FAM83B: variants seen among roughly 807,000 people sequenced by gnomAD.
The protein encoded by FAM83B is scaffolding CK1 anchoring protein B.
FAM83B carries 26 observed loss-of-function variants against 38.8 expected under a neutral mutation model. That is an observed-to-expected ratio of 0.67 (90% CI 0.49 to 0.93). The LOEUF is 0.93. FAM83B is among the 40% of genes least tolerant of loss of function. The pLI is 0.00. For synonymous variants in FAM83B, 419 were observed against 423.1 expected (o/e 0.99, Z 0.12); for missense variants, 1,237 against 1,197.3 (o/e 1.03, Z -0.49).
chr6:54,921,526 T>C (rs866121669), intron 2 of FAM83B, among the ~76,000 whole-genome samples: 12 of 151,974 alleles, frequency 7.9e-5, no homozygotes, highest in South Asian at 2.1e-4. Flanking sequence ...TTTCTAAGTC[T>C]CATGTTTCCG....
At chr6:54,857,426 G>A (rs926264478) in intron 1 of FAM83B, among the ~76,000 whole-genome samples, 2 of 152,320 alleles carry the variant, frequency 1.3e-5, no homozygotes, top group East Asian at 3.9e-4. Flanking sequence ...AACTGAGGTT[G>A]AACGAGACTG....
intron 2 of FAM83B, among the ~76,000 whole-genome samples, chr6:54,919,455 C>A (rs1052508260): frequency 6.6e-6 from 1 of 152,016 alleles, no homozygotes; most frequent in African/African-American, 2.4e-5. Flanking sequence ...CCCAAACATG[C>A]CTTTTACATT....
rs1773740493 is a variant in FAM83B, at chr6:54,943,089, G to A, written c.*1082G>A. On this transcript the variant is annotated 3_prime_UTR_variant, in exon 5 of 5. Coordinates refer to ENST00000306858, the MANE Select transcript of FAM83B (RefSeq NM_001010872.3). The stretch of plus-strand genomic sequence containing the variant: ...GGCTAATTTTTGTATTTTCAGAAGA[G>A]ATGGGATTTCACCATGTTGGCCAGT... 1.3e-5 allele frequency: 2 copies of A among 152,078 alleles called. No individual in the cohort carries two copies. Among genetic ancestry groups the A allele is most frequent in the African/African-American group, 4.8e-5 (2 of 41,386 alleles). 9.4% of individuals were successfully genotyped at this position (152,078 alleles called of 1,614,324 possible). A position where few individuals can be genotyped will look rare whatever the true frequency, so the allele number is the denominator to read the frequency against.
At position 54,872,908 on chromosome 6, in the gene FAM83B, G is replaced by A. The variant is rs1450521723; in HGVS notation, c.444+2218G>A. Among the ~76,000 whole-genome samples, 8 of 151,430 alleles carry A rather than the reference G, an allele frequency of 5.3e-5. 1 individual carries two copies. The highest frequency in any genetic ancestry group is 5.3e-4 in the Admixed American group (8 of 15,186). On this transcript the variant is annotated intron_variant, in intron 2 of 4. Coordinates refer to ENST00000306858, the MANE Select transcript of FAM83B (RefSeq NM_001010872.3). The stretch of plus-strand genomic sequence containing the variant: ...GTATAGCTATAGCTAAGTTGAATTT[G>A]AAAGAAGAGAATTATTTGATCTTGT...
intron 2 of FAM83B, among the ~76,000 whole-genome samples, chr6:54,882,842 A>G (rs1229754509): frequency 1.3e-5 from 2 of 152,136 alleles, no homozygotes; most frequent in African/African-American, 2.4e-5. Context: ...TTCATCTTTT[A>G]AAATCCATGT....
At chr6:54,860,362 C>A (rs1472358008) in intron 1 of FAM83B, among the ~76,000 whole-genome samples, 2 of 152,116 alleles carry the variant, frequency 1.3e-5, no homozygotes, top group East Asian at 3.8e-4. Context: ...CTCACTTCCT[C>A]TATACTCCTA....
chr6:54,936,327 T>C (rs1014448838), intron 4 of FAM83B, among the ~76,000 whole-genome samples: 2 of 152,150 alleles, frequency 1.3e-5, no homozygotes, highest in African/African-American at 4.8e-5. Flanking sequence ...GTTGTTTTTA[T>C]TTAATAACGT....
intron 2 of FAM83B, among the ~76,000 whole-genome samples, chr6:54,904,850 G>A (rs1772741082): frequency 6.6e-6 from 1 of 152,070 alleles, no homozygotes; most frequent in Non-Finnish European, 1.5e-5. Context: ...GTAAAAAGAA[G>A]CAGAGAAAAA....
At chr6:54,863,515 C>A (rs980516163) in intron 1 of FAM83B, among the ~76,000 whole-genome samples, 7 of 145,216 alleles carry the variant, frequency 4.8e-5, no homozygotes, top group African/African-American at 2.0e-4. Context: ...GAGGTCGAAA[C>A]CTGTGCCATC....
chr6:54,898,537 A>G (rs1057166628), intron 2 of FAM83B, among the ~76,000 whole-genome samples: 1 of 152,200 alleles, frequency 6.6e-6, no homozygotes, highest in African/African-American at 2.4e-5. Flanking sequence ...TGAGTGTTCC[A>G]TAGACCCCAA....
Position 54,851,533 on chromosome 6 carries a change from C to T in FAM83B, c.-61+4707C>T, listed in dbSNP as rs185339965. On this transcript the variant is annotated intron_variant, in intron 1 of 4. Coordinates refer to ENST00000306858, the MANE Select transcript of FAM83B (RefSeq NM_001010872.3). ...TGTTGCCCAGGCTGGAGTGCCATGG[C>T]GTGATCTTGGCCCACCACAACCTCT... Among the ~76,000 whole-genome samples, 450 of 152,130 alleles carry T rather than the reference C, an allele frequency of 3.0e-3. 2 individuals are homozygous for T. Among genetic ancestry groups the T allele is most frequent in the African/African-American group, 0.01 (426 of 41,492 alleles).
intron 2 of FAM83B, among the ~76,000 whole-genome samples, chr6:54,895,991 A>C (rs1016679498): frequency 2.0e-5 from 3 of 152,138 alleles, no homozygotes; most frequent in Non-Finnish European, 4.4e-5. Context: ...TCCTGGGTTC[A>C]AGCTGTTCTC....
chr6:54,886,708 T>G (rs973577703), intron 2 of FAM83B, among the ~76,000 whole-genome samples: 5 of 151,940 alleles, frequency 3.3e-5, no homozygotes, highest in African/African-American at 1.2e-4. Flanking sequence ...GTGTTGATTT[T>G]TTTATATTAC....
In FAM83B at chr6:54,944,214, G is replaced by A. The variant is rs1773759123; in HGVS notation, c.*2207G>A. 1 of 152,078 alleles carries A rather than the reference G, an allele frequency of 6.6e-6. No homozygotes were observed. The highest frequency in any genetic ancestry group is 2.4e-5 in the African/African-American group (1 of 41,410). The allele number at this position is 152,078 out of a possible 1,614,324, so 9.4% of individuals were successfully genotyped here. A position where few individuals can be genotyped will look rare whatever the true frequency, so the allele number is the denominator to read the frequency against. On this transcript the variant is annotated 3_prime_UTR_variant, in exon 5 of 5. Transcript: ENST00000306858. Reference sequence around the variant, plus strand: ...CAAAAAATGTACAGCTACTGTTTAAGTTTTAAACAGACACCATCACAGTTT... The same window carrying A: ...CAAAAAATGTACAGCTACTGTTTAAATTTTAAACAGACACCATCACAGTTT...
intron 2 of FAM83B, among the ~76,000 whole-genome samples, chr6:54,898,850 AG>A (rs1168549995): frequency 8.5e-5 from 13 of 152,082 alleles, no homozygotes; most frequent in Admixed American, 8.5e-4. Context: ...GGACTGTTTC[AG>A]GAACTTTTTA....
intron 2 of FAM83B, among the ~76,000 whole-genome samples, chr6:54,882,186 C>A (rs1021090955): frequency 6.6e-6 from 1 of 152,130 alleles, no homozygotes; most frequent in African/African-American, 2.4e-5. Flanking sequence ...GGGTTGGTTC[C>A]AAGTCTTTGC....
chr6:54,927,197 G>A (rs191761759), intron 3 of FAM83B, among the ~76,000 whole-genome samples: 1 of 152,160 alleles, frequency 6.6e-6, no homozygotes, highest in Non-Finnish European at 1.5e-5. Context: ...TTTTTAAAAG[G>A]AAGGTTAATT....
chr6:54,906,899 TAC>T (rs1044901310), intron 2 of FAM83B, among the ~76,000 whole-genome samples: 2 of 152,194 alleles, frequency 1.3e-5, no homozygotes, highest in African/African-American at 4.8e-5. Flanking sequence ...GCAGGTATTA[TAC>T]AGTCTCTTTT....
In FAM83B at chr6:54,870,659, C is replaced by A; in HGVS notation, c.413C>A (p.Thr138Asn). The A allele has an allele frequency of 6.2e-7, 1 of 1,605,318 alleles. No individual in the cohort carries two copies. Among genetic ancestry groups the A allele is most frequent in the Non-Finnish European group, 8.5e-7 (1 of 1,176,552 alleles). Residue 138 changes from threonine to asparagine, a missense_variant, in exon 2 of 5, where the codon ACT (threonine) becomes AAT (asparagine). By Grantham distance (65) the Thr-to-Asn change is moderately conservative (BLOSUM62 0). Transcript: ENST00000306858. ...PRAHLLTIKETIRKMIKEARK... is the reference protein window; with the variant it reads ...PRAHLLTIKENIRKMIKEARK... ...GCACATCTACTTACGATAAAAGAAA[C>A]TATTCGGAAGATGATAAAAGAAGCA...
Sources: gnomAD v4.1 joint callset for allele counts (sites outside exome capture counted in the v4.1 genomes callset) on GRCh38, gnomAD v4.1.1 for gene constraint, MANE v1.5 for transcripts, NCBI Gene and HGNC (gene_info 2026-07-23, HGNC 2026-07-21) for gene names.